The following EEIG1 variants were observed in gnomAD, a reference collection of about 807,000 sequenced individuals.
EEIG1 encodes the protein early estrogen-induced gene 1 protein.
At chr9:127,947,425 ACT>A in the EEIG1 span, among the ~76,000 whole-genome samples, 2 of 151,806 alleles carry the variant, frequency 1.3e-5, no homozygotes, top group African/African-American at 4.8e-5. Context: ...ACAGAGCAAG[ACT>A]CTGTCTAAAA....
chr9:127,943,030 G>A, the EEIG1 span: 10 of 682,002 alleles, frequency 1.5e-5, no homozygotes, highest in African/African-American at 3.5e-5. Flanking sequence ...GGATGGGAGG[G>A]GCAATGGAAT....
At chr9:127,970,240 C>T in the EEIG1 span, among the ~76,000 whole-genome samples, 1 of 152,182 alleles carries the variant, frequency 6.6e-6, no homozygotes, top group Non-Finnish European at 1.5e-5. Flanking sequence ...CCTCAGCCTC[C>T]TGAGTAGCTG....
At chr9:127,950,338 A>G in the EEIG1 span, 1 of 1,399,082 alleles carries the variant, frequency 7.1e-7, no homozygotes, top group Non-Finnish European at 1.0e-6. Flanking sequence ...ATTTTTAACA[A>G]CCCTCCTCCA....
chr9:127,980,067 A>G, the EEIG1 span: 1 of 1,613,816 alleles, frequency 6.2e-7, no homozygotes, highest in Non-Finnish European at 8.5e-7. Flanking sequence ...CACGAAGGGA[A>G]CCGCAGTCAG....
the EEIG1 span, chr9:127,950,325 T>C: frequency 1.6e-6 from 2 of 1,246,290 alleles, no homozygotes; most frequent in Admixed American, 1.8e-5. Context: ...AGGTAAGGCC[T>C]GTATTTTTAA....
chr9:127,959,096 A>G, the EEIG1 span, among the ~76,000 whole-genome samples: 3 of 152,266 alleles, frequency 2.0e-5, no homozygotes, highest in Non-Finnish European at 4.4e-5. Context: ...CAGTATGGCA[A>G]TTCCCCAAAA....
the EEIG1 span, chr9:127,953,724 A>G: frequency 6.2e-7 from 1 of 1,610,816 alleles, no homozygotes. Context: ...AACTCACCCC[A>G]TTTTCAGCTG....
chr9:127,968,032 T>C, the EEIG1 span, among the ~76,000 whole-genome samples: 1 of 138,814 alleles, frequency 7.2e-6, no homozygotes, highest in Non-Finnish European at 1.5e-5. Context: ...TTTCCTGGGC[T>C]CAAATGATCC....
At chr9:127,944,894 T>G in the EEIG1 span, 1 of 1,611,318 alleles carries the variant, frequency 6.2e-7, no homozygotes, top group Non-Finnish European at 8.5e-7. Flanking sequence ...GAGTCCTTCT[T>G]CCGCCTGGGT....
At chr9:127,942,620 G>C in the EEIG1 span, 1 of 158,964 alleles carries the variant, frequency 6.3e-6, no homozygotes, top group Non-Finnish European at 1.4e-5. Flanking sequence ...GCCGCCAGCA[G>C]GTCCCCCAGG....
the EEIG1 span, among the ~76,000 whole-genome samples, chr9:127,961,892 C>T: frequency 1.3e-5 from 2 of 152,202 alleles, no homozygotes; most frequent in Non-Finnish European, 2.9e-5. Flanking sequence ...CGGAGGATGC[C>T]GGGGCAGGCA....
chr9:127,963,515 C>G, the EEIG1 span, among the ~76,000 whole-genome samples: 171 of 152,372 alleles, frequency 1.1e-3, 1 homozygote, highest in East Asian at 0.028. Context: ...GCCCTGCACC[C>G]ACCACAGCCA....
chr9:127,955,749 C>A, the EEIG1 span, among the ~76,000 whole-genome samples: 1 of 152,210 alleles, frequency 6.6e-6, no homozygotes, highest in Non-Finnish European at 1.5e-5. Context: ...CCAATGAAAG[C>A]CCCTAAGCCT....
chr9:127,958,477 C>G, the EEIG1 span, among the ~76,000 whole-genome samples: 1 of 151,966 alleles, frequency 6.6e-6, no homozygotes, highest in East Asian at 1.9e-4. Flanking sequence ...CCAACCTGGG[C>G]AACACAACAA....
chr9:127,957,707 A>G, the EEIG1 span, among the ~76,000 whole-genome samples: 1 of 152,272 alleles, frequency 6.6e-6, no homozygotes, highest in African/African-American at 2.4e-5. Flanking sequence ...CAAAATATCT[A>G]CAAAGTTATA....
At chr9:127,970,147 G>A in the EEIG1 span, among the ~76,000 whole-genome samples, 4 of 151,798 alleles carry the variant, frequency 2.6e-5, no homozygotes, top group East Asian at 5.8e-4. Context: ...AGAATCTTGC[G>A]CTGTCGCCTA....
chr9:127,949,311 C>CAA, the EEIG1 span, among the ~76,000 whole-genome samples: 3,138 of 89,222 alleles, frequency 0.035, 172 homozygotes, highest in African/African-American at 0.11. Flanking sequence ...GACTCTGTCT[C>CAA]AAAAAAAAAA....
chr9:127,963,699 G>A, the EEIG1 span: 1 of 152,384 alleles, frequency 6.6e-6, no homozygotes, highest in Admixed American at 6.5e-5. Context: ...AGCACGCCAG[G>A]TGGTGTGGGG....
the EEIG1 span, among the ~76,000 whole-genome samples, chr9:127,949,091 A>G: frequency 2.0e-5 from 3 of 152,042 alleles, no homozygotes; most frequent in African/African-American, 2.4e-5. Context: ...CAAGGCGGGC[A>G]GATCACGAGG....
Sources: allele counts gnomAD v4.1 joint callset (sites outside exome capture counted in the v4.1 genomes callset), GRCh38; gene constraint gnomAD v4.1.1; transcripts MANE v1.5; gene names NCBI Gene and HGNC (gene_info 2026-07-23, HGNC 2026-07-21).